The following PARG variants were observed in gnomAD, a reference collection of about 807,000 sequenced individuals.
PARG encodes mitochondrial poly(ADP-ribose) glycohydrolase.
A neutral mutation model predicts 113.0 loss-of-function variants in PARG; 35 were observed. The ratio of observed to expected loss-of-function variants is 0.31; its 90% CI spans 0.24 to 0.41. PARG has a LOEUF of 0.41. Among genes scored for constraint, PARG ranks in the 10% least tolerant of loss-of-function variants. The pLI is 1.00. For synonymous variants in PARG, 330 were observed against 409.9 expected (o/e 0.81, Z 2.36); for missense variants, 797 against 1,169.4 (o/e 0.68, Z 4.64).
intron 16 of PARG, among the ~76,000 whole-genome samples, chr10:49,829,658 AC>A (rs1467356369): frequency 1.3e-5 from 2 of 152,164 alleles, no homozygotes; most frequent in African/African-American, 4.8e-5. Flanking sequence ...AAAACCCCCA[AC>A]AAAACAAAAC....
chr10:49,927,976 A>G (rs1838292723), intron 4 of PARG, among the ~76,000 whole-genome samples: 1 of 151,772 alleles, frequency 6.6e-6, no homozygotes, highest in Non-Finnish European at 1.5e-5. Flanking sequence ...TAAAAAAAAA[A>G]AAAAAAAGAA....
chr10:49,849,618 A>G (rs1228551049), intron 13 of PARG, among the ~76,000 whole-genome samples: 1 of 152,264 alleles, frequency 6.6e-6, no homozygotes, highest in Non-Finnish European at 1.5e-5. Context: ...TGTATACTTT[A>G]AACAAATAGT....
At chr10:49,837,861 T>C (rs1467983660) in intron 15 of PARG, among the ~76,000 whole-genome samples, 3 of 152,210 alleles carry the variant, frequency 2.0e-5, no homozygotes, top group African/African-American at 7.2e-5. Flanking sequence ...ATAGGCTCTA[T>C]TACACTCGAG....
chr10:49,891,541 C>A (rs1174788490), intron 7 of PARG, among the ~76,000 whole-genome samples: 1 of 141,074 alleles, frequency 7.1e-6, no homozygotes, highest in Non-Finnish European at 1.5e-5. Flanking sequence ...AAGTACACCA[C>A]TCCAAAACCT....
At position 49,934,166 on chromosome 10, in the gene PARG, A is replaced by G. The variant is rs1254341575; in HGVS notation, c.285-3T>C. ...TGTTGTTTTCTTTACTATCCAAACT[A>G]CAAGAGAACAGAAAGAACTAAAAAC... is the stretch of plus-strand genomic sequence containing the variant. On this transcript the variant is annotated splice_polypyrimidine_tract_variant and splice_region_variant and intron_variant, in intron 2 of 17. Coordinates refer to ENST00000616448, the MANE Select transcript of PARG (RefSeq NM_003631.5). 4.1e-6 allele frequency: 4 copies of G among 987,164 alleles called. No individual in the cohort carries two copies. Among genetic ancestry groups the G allele is most frequent in the African/African-American group, 1.6e-5 (1 of 62,564 alleles). The allele number at this position is 987,164 out of a possible 1,614,324, so 61.2% of individuals were successfully genotyped here.
intron 13 of PARG, among the ~76,000 whole-genome samples, chr10:49,849,917 T>A (rs1845681904): frequency 6.6e-6 from 1 of 151,984 alleles, no homozygotes. Flanking sequence ...ACTCAGGAGT[T>A]TGAGGTGGGA....
chr10:49,919,234 C>A (rs1191535545), intron 6 of PARG, among the ~76,000 whole-genome samples: 1 of 152,114 alleles, frequency 6.6e-6, no homozygotes, highest in African/African-American at 2.4e-5. Flanking sequence ...AGCCACCACA[C>A]CTGGCCTCAC....
intron 3 of PARG, 113 bp downstream of exon 3, chr10:49,933,064 C>G (rs1281378303): frequency 0.053 from 42,913 of 803,278 alleles, 1,493 homozygotes; most frequent in African/African-American, 0.1. Flanking sequence ...AAGTAGTTAA[C>G]AAGAAACAAA....
chr10:49,857,009 C>CAAA (rs71270682), intron 13 of PARG, among the ~76,000 whole-genome samples: 24 of 74,580 alleles, frequency 3.2e-4, no homozygotes, highest in African/African-American at 8.1e-4. Context: ...ACCTCTGTCT[C>CAAA]AAAAAAAAAA....
chr10:49,833,017 AT>A (rs550663040), intron 15 of PARG, 109 bp from the exon 16 acceptor site: 765 of 479,254 alleles, frequency 1.6e-3, no homozygotes, highest in South Asian at 3.3e-3. Flanking sequence ...TCAATTTCTC[AT>A]TTTTTTTTTC....
chr10:49,941,013 C>T (rs1474542488), intron 1 of PARG, among the ~76,000 whole-genome samples: 9 of 152,266 alleles, frequency 5.9e-5, no homozygotes, highest in Middle Eastern at 3.4e-3. Flanking sequence ...CTTTTGCTAT[C>T]GTCTATCTCT....
At chr10:49,839,148 C>A (rs1458721800) in intron 15 of PARG, among the ~76,000 whole-genome samples, 2 of 151,856 alleles carry the variant, frequency 1.3e-5, no homozygotes, top group East Asian at 3.9e-4. Context: ...ACAAAACTGG[C>A]CAACATGATG....
At chr10:49,903,545 TC>T (rs1465873191) in intron 7 of PARG, among the ~76,000 whole-genome samples, 1 of 152,064 alleles carries the variant, frequency 6.6e-6, no homozygotes, top group African/African-American at 2.4e-5. Context: ...AAATTGGGCC[TC>T]ATGAATATTC....
intron 11 of PARG, among the ~76,000 whole-genome samples, chr10:49,864,166 G>T (rs1257942344): frequency 6.6e-6 from 1 of 151,964 alleles, no homozygotes; most frequent in Non-Finnish European, 1.5e-5. Flanking sequence ...AGGTATTACA[G>T]AGCTGATCAA....
chr10:49,924,889 C>T (rs1378910235), intron 4 of PARG, among the ~76,000 whole-genome samples: 1 of 151,168 alleles, frequency 6.6e-6, no homozygotes, highest in African/African-American at 2.4e-5. Flanking sequence ...TCCCCAACCC[C>T]CCGGAATCCA....
intron 4 of PARG, among the ~76,000 whole-genome samples, chr10:49,922,931 C>G (rs563202690): frequency 6.6e-6 from 1 of 152,170 alleles, no homozygotes; most frequent in Admixed American, 6.5e-5. Flanking sequence ...CTATCCTTCT[C>G]CCTAACTCCA....
At chr10:49,844,655 GA>G (rs1444968755) in intron 13 of PARG, among the ~76,000 whole-genome samples, 2 of 143,122 alleles carry the variant, frequency 1.4e-5, no homozygotes, top group Non-Finnish European at 3.1e-5. Context: ...GAAAAAAAAA[GA>G]AAACTTAAAT....
intron 16 of PARG, among the ~76,000 whole-genome samples, chr10:49,821,264 AGATAG>A (rs1182676572): frequency 1.3e-5 from 2 of 152,240 alleles, no homozygotes; most frequent in Non-Finnish European, 2.9e-5. Flanking sequence ...CAATCTCAAT[AGATAG>A]GATTTTAAAT....
chr10:49,834,942 C>T, intron 15 of PARG, among the ~76,000 whole-genome samples: 1 of 152,074 alleles, frequency 6.6e-6, no homozygotes, highest in East Asian at 1.9e-4. Context: ...TTATTTTATT[C>T]TGTTAAGAAG....
Sources: gnomAD v4.1 joint callset for allele counts (sites outside exome capture counted in the v4.1 genomes callset) on GRCh38, gnomAD v4.1.1 for gene constraint, MANE v1.5 for transcripts, NCBI Gene and HGNC (gene_info 2026-07-23, HGNC 2026-07-21) for gene names.